CCDC178: variants seen among roughly 807,000 people sequenced by gnomAD.
CCDC178 encodes coiled-coil domain-containing protein 178.
Under a neutral mutation model 117.4 loss-of-function variants are expected in CCDC178, and 126 were observed. The observed-to-expected ratio is 1.07, with a 90% confidence interval of 0.93 to 1.24. CCDC178 has a LOEUF of 1.24. CCDC178 is among the 50% of genes most tolerant of loss of function. The pLI, the probability that CCDC178 is intolerant of heterozygous loss-of-function variation, is 0.00. For synonymous variants in CCDC178, 283 were observed against 313.4 expected (o/e 0.90, Z 1.02); for missense variants, 1,030 against 986.9 (o/e 1.04, Z -0.59).
At chr18:33,293,415 C>A in intron 11 of CCDC178, 103 bp from the exon 12 acceptor site, 1 of 609,786 alleles carries the variant, frequency 1.6e-6, no homozygotes, top group South Asian at 2.7e-5. Flanking sequence ...AATCTCAGCA[C>A]TTTGGGAGGC....
intron 4 of CCDC178, among the ~76,000 whole-genome samples, chr18:33,395,216 G>A (rs1053935133): frequency 2.6e-5 from 4 of 150,962 alleles, no homozygotes; most frequent in Non-Finnish European, 5.9e-5. Context: ...TCGTGAAATC[G>A]GATGGGGAAA....
rs996427217 is a variant in CCDC178, at chr18:33,156,905, T to A, written c.2238+54991A>T. ...TGGCAAAAAAATTAGCCTTGGCTCA[T>A]AAAATCTAATTCCAGGAAATATTGT... On this transcript the variant is annotated intron_variant, in intron 20 of 22. Coordinates refer to ENST00000383096, the MANE Select transcript of CCDC178 (RefSeq NM_001105528.4). Among the ~76,000 whole-genome samples the A allele has an allele frequency of 6.6e-5, 10 of 152,192 alleles. 1 individual carries two copies. The highest frequency in any genetic ancestry group is 5.9e-5 in the Non-Finnish European group (4 of 68,020).
chr18:32,959,518 A>G (rs1284446224), intron 22 of CCDC178, among the ~76,000 whole-genome samples: 2 of 152,078 alleles, frequency 1.3e-5, no homozygotes, highest in African/African-American at 4.8e-5. Context: ...TCTATGGTCT[A>G]TGATAGACTT....
intron 2 of CCDC178, among the ~76,000 whole-genome samples, chr18:33,433,754 C>A (rs1430891956): frequency 6.6e-6 from 1 of 151,622 alleles, no homozygotes; most frequent in Non-Finnish European, 1.5e-5. Context: ...TAATAGCTTC[C>A]CACTCCATGA....
At chr18:33,102,601 A>G (rs1366599408) in intron 20 of CCDC178, among the ~76,000 whole-genome samples, 2 of 151,584 alleles carry the variant, frequency 1.3e-5, no homozygotes, top group African/African-American at 2.4e-5. Context: ...TTGCTGCTTT[A>G]TTGGGAAGGA....
intron 21 of CCDC178, among the ~76,000 whole-genome samples, chr18:33,002,418 A>G (rs2055655721): frequency 6.6e-6 from 1 of 152,158 alleles, no homozygotes; most frequent in African/African-American, 2.4e-5. Flanking sequence ...GAATTAAACA[A>G]TATGCTCCTA....
intron 20 of CCDC178, among the ~76,000 whole-genome samples, chr18:33,112,164 G>GA (rs1428734616): frequency 5.3e-5 from 8 of 151,496 alleles, no homozygotes; most frequent in South Asian, 2.1e-4. Context: ...TTTTCAATAA[G>GA]AAAAAATCAT....
chr18:33,327,698 T>C (rs1487621368), intron 10 of CCDC178, among the ~76,000 whole-genome samples: 3 of 152,182 alleles, frequency 2.0e-5, no homozygotes, highest in South Asian at 2.1e-4. Flanking sequence ...TAAAGACTAA[T>C]GATGTTGAAC....
intron 21 of CCDC178, among the ~76,000 whole-genome samples, chr18:33,090,359 C>A (rs1412990380): frequency 6.6e-6 from 1 of 152,014 alleles, no homozygotes; most frequent in African/African-American, 2.4e-5. Flanking sequence ...TGAAATTAGT[C>A]TAAAACAGGA....
intron 2 of CCDC178, among the ~76,000 whole-genome samples, chr18:33,439,329 G>A (rs984009873): frequency 6.6e-6 from 1 of 152,126 alleles, no homozygotes; most frequent in Non-Finnish European, 1.5e-5. Flanking sequence ...TGTTGAATCT[G>A]AGGTGGGAGC....
intron 14 of CCDC178, among the ~76,000 whole-genome samples, chr18:33,246,255 A>G (rs531615264): frequency 6.6e-6 from 1 of 151,918 alleles, no homozygotes; most frequent in African/African-American, 2.4e-5. Flanking sequence ...CCTTGTATAC[A>G]CATAAAAATC....
chr18:33,437,014 G>A (rs1185901804), intron 2 of CCDC178, among the ~76,000 whole-genome samples: 1 of 152,124 alleles, frequency 6.6e-6, no homozygotes, highest in Non-Finnish European at 1.5e-5. Context: ...TCCTTTGCCC[G>A]TTATAAAGTT....
chr18:33,424,484 T>C (rs966232432), intron 2 of CCDC178, among the ~76,000 whole-genome samples: 1 of 152,186 alleles, frequency 6.6e-6, no homozygotes, highest in Non-Finnish European at 1.5e-5. Flanking sequence ...CCACTTGTTA[T>C]ATAACCTATT....
intron 2 of CCDC178, among the ~76,000 whole-genome samples, chr18:33,431,815 A>G (rs1295873080): frequency 1.3e-5 from 2 of 152,202 alleles, no homozygotes; most frequent in African/African-American, 4.8e-5. Flanking sequence ...CCATTTTTAT[A>G]TCATAACAAG....
rs143702049 is a variant in CCDC178 at position 33,351,148 on chromosome 18, ATGTGTGTGTG to A, written c.372-2183_372-2174del. The stretch of plus-strand genomic sequence containing the variant: ...TCTAGGATAAATCTCACTGATCATG[ATGTGTGTGTG>A]TGTGTGTGTGTGTGTGTGTGTGTGT... On this transcript the variant is annotated intron_variant, in intron 7 of 22. Coordinates refer to ENST00000383096, the MANE Select transcript of CCDC178 (RefSeq NM_001105528.4). Among the ~76,000 whole-genome samples the A allele has an allele frequency of 3.8e-4, 53 of 138,170 alleles. 1 individual carries two copies. Among genetic ancestry groups the A allele is most frequent in the South Asian group, 1.0e-3 (4 of 3,894 alleles). The allele number at this position is 138,170 out of a possible 152,430, so 90.6% of individuals were successfully genotyped here.
chr18:33,336,824 A>T (rs2062746420), intron 9 of CCDC178, among the ~76,000 whole-genome samples: 1 of 151,908 alleles, frequency 6.6e-6, no homozygotes, highest in Non-Finnish European at 1.5e-5. Context: ...GAAGTTGGGT[A>T]ATATGATGCC....
At chr18:33,130,162 G>A (rs2058054000) in intron 20 of CCDC178, among the ~76,000 whole-genome samples, 1 of 151,984 alleles carries the variant, frequency 6.6e-6, no homozygotes, top group African/African-American at 2.4e-5. Context: ...GAAGAGCAAG[G>A]ATTTCTGGAT....
chr18:33,199,849 C>G lies in CCDC178; in HGVS notation c.2238+12047G>C, dbSNP rs868439635. 3.5e-4 allele frequency among the ~76,000 whole-genome samples: 53 copies of G among 152,270 alleles called. 1 individual carries two copies. The highest frequency in any genetic ancestry group is 3.4e-3 in the Middle Eastern group (1 of 294). On this transcript the variant is annotated intron_variant, in intron 20 of 22. Coordinates refer to ENST00000383096, the MANE Select transcript of CCDC178 (RefSeq NM_001105528.4). ...ACAGATTTCAACTGGGCACTGTACT[C>G]AGCTCCTCCAAAGATACTTTACATT... is the stretch of plus-strand genomic sequence containing the variant.
chr18:33,145,639 G>A (rs948745267), intron 20 of CCDC178, among the ~76,000 whole-genome samples: 1 of 152,154 alleles, frequency 6.6e-6, no homozygotes, highest in Non-Finnish European at 1.5e-5. Context: ...GAAGGGCCCT[G>A]AGAATAGTTC....
Sources: allele counts gnomAD v4.1 joint callset (sites outside exome capture counted in the v4.1 genomes callset), GRCh38; gene constraint gnomAD v4.1.1; transcripts MANE v1.5; gene names NCBI Gene and HGNC (gene_info 2026-07-23, HGNC 2026-07-21).